The following ZNF148 variants were observed in gnomAD, a reference collection of about 807,000 sequenced individuals.
ZNF148 encodes zinc finger protein 148.
In ZNF148, 7 loss-of-function variants were observed where a neutral mutation model predicts 67.7. That is an observed-to-expected ratio of 0.10 (90% CI 0.06 to 0.19). The LOEUF is 0.19. Among genes scored for constraint, ZNF148 ranks in the 10% least tolerant of loss-of-function variants. The probability of loss-of-function intolerance (pLI) is 1.00; values close to 1 mark genes in which losing one functional copy is unlikely to be tolerated. For missense variants in ZNF148, 583 were observed against 947.1 expected (o/e 0.62, Z 5.05); for synonymous variants, 333 against 330.7 (o/e 1.01, Z -0.08).
Position 125,295,020 on chromosome 3 carries a change from A to C in ZNF148, c.334-6792T>G, listed in dbSNP as rs565562058. Among the ~76,000 whole-genome samples the C allele has an allele frequency of 2.6e-5, 4 of 152,352 alleles. No homozygotes were observed. The East Asian group carries it at 5.8e-4, about 22-fold the overall frequency. ...GCTTTTCAATAAATCTAAATTATTC[A>C]AACTTATTTAAAAATGCTTTTTATA... On this transcript the variant is annotated intron_variant, in intron 4 of 8. Transcript: ENST00000360647.
chr3:125,236,274 C>T (rs1451222542), intron 7 of ZNF148, among the ~76,000 whole-genome samples: 2 of 152,066 alleles, frequency 1.3e-5, no homozygotes, highest in African/African-American at 4.8e-5. Context: ...TTGCCCAAGG[C>T]CTGTCTTGAA....
At chr3:125,298,121 A>T (rs1159823925) in intron 4 of ZNF148, among the ~76,000 whole-genome samples, 1 of 152,146 alleles carries the variant, frequency 6.6e-6, no homozygotes, top group Non-Finnish European at 1.5e-5. Flanking sequence ...GTCAGGTAAA[A>T]CTAATAGACT....
rs1935856482 is a variant in ZNF148 at position 125,231,587 on chromosome 3, C to T, written c.*754G>A. The T allele has an allele frequency of 6.6e-6, 1 of 152,434 alleles. No individual in the cohort carries two copies. Among genetic ancestry groups the T allele is most frequent in the Admixed American group, 6.6e-5 (1 of 15,256 alleles). The allele number at this position is 152,434 out of a possible 1,614,324, so 9.4% of individuals were successfully genotyped here. The stretch of plus-strand genomic sequence containing the variant: ...GCACATGAAAAATCATAAAAAATAT[C>T]TAAGTACAACTGTACAAAGAAACTG... On this transcript the variant is annotated 3_prime_UTR_variant, in exon 9 of 9. Transcript: ENST00000360647.
rs921141537 is a variant in ZNF148, at chr3:125,363,503, T to G, written c.-234+11599A>C. On this transcript the variant is annotated intron_variant, in intron 1 of 8. Coordinates refer to ENST00000360647, the MANE Select transcript of ZNF148 (RefSeq NM_021964.3). ...TCTCAGTCACCCAGATTAAAAGCCC[T>G]AGAGCTTTTCTTCAGTTTTCTTTTT... Among the ~76,000 whole-genome samples the G allele has an allele frequency of 2.6e-5, 4 of 152,244 alleles. No individual in the cohort carries two copies. The South Asian group carries it at 6.2e-4, about 24-fold the overall frequency.
rs1038261837 is a variant in ZNF148, at chr3:125,268,456, T to C, written c.667+9270A>G. ...AAGAAAGTTGGCAAAAAATAATCAATGGGGAAAAGACCCCTAATAAATGGT... is the reference window on the plus strand; with the variant it reads ...AAGAAAGTTGGCAAAAAATAATCAACGGGGAAAAGACCCCTAATAAATGGT... On this transcript the variant is annotated intron_variant, in intron 7 of 8. Coordinates refer to ENST00000360647, the MANE Select transcript of ZNF148 (RefSeq NM_021964.3). Among the ~76,000 whole-genome samples the C allele has an allele frequency of 2.0e-5, 3 of 152,124 alleles. No homozygotes were observed. In the East Asian group the frequency reaches 5.8e-4, roughly 29 times the overall value.
chr3:125,266,666 A>G (rs1046280584), intron 7 of ZNF148, among the ~76,000 whole-genome samples: 5 of 152,206 alleles, frequency 3.3e-5, no homozygotes, highest in Admixed American at 2.0e-4. Flanking sequence ...TAAAGGAACT[A>G]GAAAAACAAG....
At chr3:125,352,646 T>C (rs1215323311) in intron 1 of ZNF148, among the ~76,000 whole-genome samples, 2 of 141,632 alleles carry the variant, frequency 1.4e-5, no homozygotes, top group Admixed American at 1.4e-4. Flanking sequence ...GGTCACGGAC[T>C]GAAGGACCTC....
At chr3:125,340,016 G>A (rs1003936222) in intron 1 of ZNF148, among the ~76,000 whole-genome samples, 3 of 152,052 alleles carry the variant, frequency 2.0e-5, no homozygotes, top group Non-Finnish European at 2.9e-5. Flanking sequence ...CCCTACTCAC[G>A]AAGCACAACT....
chr3:125,295,676 C>T (rs551867079), intron 4 of ZNF148, among the ~76,000 whole-genome samples: 1 of 152,028 alleles, frequency 6.6e-6, no homozygotes, highest in East Asian at 1.9e-4. Flanking sequence ...GGGATCATGC[C>T]GAACTTTGCT....
chr3:125,353,969 G>C (rs1338740879), intron 1 of ZNF148, among the ~76,000 whole-genome samples: 2 of 151,894 alleles, frequency 1.3e-5, no homozygotes, highest in African/African-American at 4.8e-5. Context: ...GATGACATAA[G>C]CTTAGCCATT....
intron 7 of ZNF148, among the ~76,000 whole-genome samples, chr3:125,264,722 T>G (rs1937492482): frequency 6.6e-6 from 1 of 152,256 alleles, no homozygotes; most frequent in Non-Finnish European, 1.5e-5. Context: ...ATGCCTTTCA[T>G]GTCCATTTCA....
chr3:125,281,217 G>A (rs773169367), intron 5 of ZNF148, among the ~76,000 whole-genome samples: 3 of 152,164 alleles, frequency 2.0e-5, no homozygotes, highest in Admixed American at 2.0e-4. Flanking sequence ...ATGGAAGTGG[G>A]TGTCACAGCT....
intron 7 of ZNF148, among the ~76,000 whole-genome samples, chr3:125,256,063 C>A (rs888031546): frequency 1.3e-5 from 2 of 151,762 alleles, no homozygotes; most frequent in African/African-American, 4.8e-5. Context: ...CAGCTTTCCT[C>A]AATTAGAATT....
chr3:125,338,387 G>A (rs1941581281), intron 1 of ZNF148, among the ~76,000 whole-genome samples: 1 of 152,026 alleles, frequency 6.6e-6, no homozygotes, highest in African/African-American at 2.4e-5. Flanking sequence ...ATAATGAAGG[G>A]AACCCTAGAA....
rs539959921 is a variant in ZNF148 at position 125,260,781 on chromosome 3, C to CA, written c.667+16944dup. 1.6e-4 allele frequency among the ~76,000 whole-genome samples: 25 copies of CA among 152,310 alleles called. 2 individuals are homozygous for CA. In the South Asian group the frequency reaches 4.8e-3, roughly 29 times the overall value. ...TACATTAAAAGAAGTCTGAGGTCAACAACACATATTTCCCTTCATGGAAAA... is the reference window on the plus strand; with the variant it reads ...TACATTAAAAGAAGTCTGAGGTCAACAAACACATATTTCCCTTCATGGAAAA... On this transcript the variant is annotated intron_variant, in intron 7 of 8. Coordinates refer to ENST00000360647, the MANE Select transcript of ZNF148 (RefSeq NM_021964.3).
intron 2 of ZNF148, among the ~76,000 whole-genome samples, chr3:125,329,796 T>A (rs1454950988): frequency 1.3e-5 from 2 of 152,080 alleles, no homozygotes; most frequent in East Asian, 3.8e-4. Flanking sequence ...AATATCAGAA[T>A]ACTATGCAGC....
At chr3:125,346,570 AGAT>A (rs1941952079) in intron 1 of ZNF148, among the ~76,000 whole-genome samples, 1 of 152,222 alleles carries the variant, frequency 6.6e-6, no homozygotes, top group African/African-American at 2.4e-5. Context: ...CAAGGGAGGA[AGAT>A]GATTGGATCA....
Position 125,340,975 on chromosome 3 carries a change from G to A in ZNF148, c.-233-9737C>T, listed in dbSNP as rs1449527160. Among the ~76,000 whole-genome samples the A allele has an allele frequency of 6.9e-4, 81 of 116,990 alleles. 1 individual carries two copies. In the East Asian group the frequency reaches 0.017, roughly 24 times the overall value. The allele number at this position is 116,990 out of a possible 152,430, so 76.7% of individuals were successfully genotyped here. ...TGCACTCCAGCCTGGGCGACAGAGC[G>A]AGACTCCGGCTCAAAAAAAAAAAAA... On this transcript the variant is annotated intron_variant, in intron 1 of 8. Coordinates refer to ENST00000360647, the MANE Select transcript of ZNF148 (RefSeq NM_021964.3).
chr3:125,346,089 C>A (rs1453944868), intron 1 of ZNF148, among the ~76,000 whole-genome samples: 1 of 152,190 alleles, frequency 6.6e-6, no homozygotes, highest in East Asian at 1.9e-4. Flanking sequence ...CAACAAAATA[C>A]TAACCAAATC....
Sources: gnomAD v4.1 joint callset for allele counts (sites outside exome capture counted in the v4.1 genomes callset) on GRCh38, gnomAD v4.1.1 for gene constraint, MANE v1.5 for transcripts, NCBI Gene and HGNC (gene_info 2026-07-23, HGNC 2026-07-21) for gene names.